The following LNPK variants were observed in gnomAD, a reference collection of about 807,000 sequenced individuals.
LNPK encodes endoplasmic reticulum junction formation protein lunapark.
In LNPK, 29 loss-of-function variants were observed where a neutral mutation model predicts 55.2. The observed-to-expected ratio is 0.53, with a 90% CI of 0.39 to 0.72. LNPK has a LOEUF of 0.72. Among genes scored for constraint, LNPK ranks in the 30% least tolerant of loss-of-function variants. LNPK has a pLI of 0.00. For synonymous variants in LNPK, 162 were observed against 168.2 expected, an observed-to-expected ratio of 0.96 and a Z score of 0.29; for missense variants, 467 against 494.8, an observed-to-expected ratio of 0.94 and a Z score of 0.53.
chr2:175,958,819 C>T (rs1685839665), intron 8 of LNPK, among the ~76,000 whole-genome samples: 1 of 152,056 alleles, frequency 6.6e-6, no homozygotes, highest in East Asian at 1.9e-4. Flanking sequence ...AGCTATAAAC[C>T]TTGAAAAAAG....
intron 10 of LNPK, 76 bp from the exon 11 acceptor site, chr2:175,938,459 A>G: frequency 1.4e-6 from 1 of 694,056 alleles, no homozygotes; most frequent in South Asian, 2.6e-5. Context: ...TTTAGCCATC[A>G]TGGCTAATTT....
intron 1 of LNPK, 72 bp downstream of exon 1, chr2:176,002,088 T>TC: frequency 3.0e-6 from 1 of 332,166 alleles, no homozygotes; most frequent in South Asian, 2.1e-5. Flanking sequence ...GCAGCTTATT[T>TC]CCCAGGGGCA....
chr2:175,976,903 TATA>T (rs1253186025), intron 5 of LNPK, among the ~76,000 whole-genome samples: 1 of 152,198 alleles, frequency 6.6e-6, no homozygotes, highest in Non-Finnish European at 1.5e-5. Context: ...GCCAATTCCT[TATA>T]ATATTTCCTA....
chr2:175,994,610 C>G (rs1359218031), intron 2 of LNPK, among the ~76,000 whole-genome samples: 1 of 152,116 alleles, frequency 6.6e-6, no homozygotes, highest in African/African-American at 2.4e-5. Flanking sequence ...GCAACCTTCA[C>G]CTCCTGGATG....
At position 175,930,045 on chromosome 2, in the gene LNPK, A is replaced by G. The variant is rs771175909; in HGVS notation, c.1209T>C (p.Ile403=). The G allele has an allele frequency of 1.9e-6, 3 of 1,613,992 alleles. No homozygotes were observed. In the African/African-American group the frequency reaches 4.0e-5, roughly 22 times the overall value. Residue 403 remains isoleucine, a synonymous_variant, in exon 13 of 13, where the codon ATT becomes ATC. Coordinates refer to ENST00000272748, the MANE Select transcript of LNPK (RefSeq NM_030650.3). ...CTCCAGGAACTGTGGAGTTGGTTTC[A>G]ATCACTGAGGCTTCCTCATTCTCAG... is the stretch of plus-strand genomic sequence containing the variant. ...QETENEEASV[I]ETNSTVPGAD...
chr2:175,929,866 CAT>C lies in LNPK; in HGVS notation c.*99_*100del. The C allele has an allele frequency of 6.6e-7, 1 of 1,523,822 alleles. No individual in the cohort carries two copies. The highest frequency in any genetic ancestry group is 8.8e-7 in the Non-Finnish European group (1 of 1,136,088). 94.4% of individuals were successfully genotyped at this position (1,523,822 alleles called of 1,614,324 possible). A position where few individuals can be genotyped will look rare whatever the true frequency, so the allele number is the denominator to read the frequency against. On this transcript the variant is annotated 3_prime_UTR_variant, in exon 13 of 13. Coordinates refer to ENST00000272748, the MANE Select transcript of LNPK (RefSeq NM_030650.3). ...AATCTGAATTCAAATGATACACAAG[CAT>C]ACCCTTAGAGGGGCAAAAAAAGTAA...
At chr2:175,939,941 T>C (rs562300457) in intron 9 of LNPK, among the ~76,000 whole-genome samples, 1 of 152,220 alleles carries the variant, frequency 6.6e-6, no homozygotes, top group East Asian at 1.9e-4. Flanking sequence ...CTTAGTTCTG[T>C]ACAAACTGAT....
intron 5 of LNPK, among the ~76,000 whole-genome samples, chr2:175,975,305 G>T (rs1306744501): frequency 6.6e-6 from 1 of 152,014 alleles, no homozygotes; most frequent in Non-Finnish European, 1.5e-5. Context: ...ACCCATTTAA[G>T]CAAGAAAAAT....
At chr2:175,967,667 C>G (rs1198694733) in intron 6 of LNPK, 1 of 984,434 alleles carries the variant, frequency 1.0e-6, no homozygotes, top group East Asian at 1.1e-4. Context: ...TGTCTGGTAT[C>G]CCTGATTTGA....
chr2:175,986,091 TA>T (rs2105701775), intron 4 of LNPK, among the ~76,000 whole-genome samples: 1 of 152,316 alleles, frequency 6.6e-6, no homozygotes, highest in East Asian at 1.9e-4. Context: ...TCAACATTTG[TA>T]AAGCAAAACT....
chr2:175,998,173 G>A (rs1389602995), intron 1 of LNPK, among the ~76,000 whole-genome samples: 1 of 152,138 alleles, frequency 6.6e-6, no homozygotes, highest in Non-Finnish European at 1.5e-5. Context: ...GCCGGGTGCG[G>A]TGGCTCACGC....
At chr2:175,968,913 G>A (rs1438737743) in intron 6 of LNPK, among the ~76,000 whole-genome samples, 1 of 152,028 alleles carries the variant, frequency 6.6e-6, no homozygotes, top group Non-Finnish European at 1.5e-5. Context: ...AGCTACTTGG[G>A]AGGCTGAGGC....
intron 4 of LNPK, among the ~76,000 whole-genome samples, chr2:175,983,416 AG>A (rs1194123285): frequency 1.3e-5 from 2 of 152,188 alleles, no homozygotes; most frequent in Non-Finnish European, 2.9e-5. Context: ...CCTGGAACAC[AG>A]GAAGATATGC....
intron 5 of LNPK, among the ~76,000 whole-genome samples, chr2:175,978,175 CAATAA>C (rs1421411168): frequency 6.6e-6 from 1 of 151,924 alleles, no homozygotes; most frequent in Non-Finnish European, 1.5e-5. Flanking sequence ...AAAATAACAA[CAATAA>C]AAAATACAAA....
Position 175,929,436 on chromosome 2 carries a change from C to T in LNPK, c.*531G>A. On this transcript the variant is annotated 3_prime_UTR_variant, in exon 13 of 13. Transcript: ENST00000272748. ...TTCCACTGCATTCTTATTGAGAATT[C>T]GTACCAGTGCCTATGTGGTAACAAC... 49 of 986,020 alleles carry T rather than the reference C, an allele frequency of 5.0e-5. No individual in the cohort carries two copies. The highest frequency in any genetic ancestry group is 5.5e-5 in the Non-Finnish European group (46 of 830,108). 61.1% of individuals were successfully genotyped at this position (986,020 alleles called of 1,614,324 possible).
chr2:175,929,204 A>T lies in LNPK; in HGVS notation c.*763T>A. 1.0e-6 allele frequency: 1 copy of T among 960,244 alleles called. No homozygotes were observed. The allele number at this position is 960,244 out of a possible 1,614,324, so 59.5% of individuals were successfully genotyped here. ...TATATATCATCATTTTATACTTATA[A>T]ATAATGCTCAGAATTCAAATAGGGT... On this transcript the variant is annotated 3_prime_UTR_variant, in exon 13 of 13. Coordinates refer to ENST00000272748, the MANE Select transcript of LNPK (RefSeq NM_030650.3).
rs1443101323 is a variant in LNPK, at chr2:175,992,383, AT to A, written c.104del (p.Asn35IlefsTer12). 1.1e-5 allele frequency: 16 copies of A among 1,510,332 alleles called. No individual in the cohort carries two copies. The highest frequency in any genetic ancestry group is 2.6e-5 in the East Asian group (1 of 37,884). The allele number at this position is 1,510,332 out of a possible 1,614,324, so 93.6% of individuals were successfully genotyped here. A position where few individuals can be genotyped will look rare whatever the true frequency, so the allele number is the denominator to read the frequency against. On this transcript the variant is annotated frameshift_variant, in exon 4 of 13. Transcript: ENST00000272748. LOFTEE classifies it high-confidence loss of function. ...CAACCCATAATTTTTGTAATCTCTG[AT>A]TTTTTTCCCTAAATTCTTCCAATGC... ...IQALEEFREK[N>X]QRLQKLWVGR...
intron 5 of LNPK, among the ~76,000 whole-genome samples, chr2:175,973,059 T>C (rs12476626): frequency 0.076 from 11,494 of 151,964 alleles, 470 homozygotes; most frequent in South Asian, 0.097. Context: ...TTAAAAAAAA[T>C]TACTTGTCAT....
rs567495411 is a variant in LNPK at position 175,947,781 on chromosome 2, G to A, written c.494-89C>T. 260 of 826,912 alleles carry A rather than the reference G, an allele frequency of 3.1e-4. 2 individuals carry two copies. Among genetic ancestry groups the A allele is most frequent in the South Asian group, 2.4e-3 (93 of 38,598 alleles). The allele number at this position is 826,912 out of a possible 1,614,324, so 51.2% of individuals were successfully genotyped here. A position where few individuals can be genotyped will look rare whatever the true frequency, so the allele number is the denominator to read the frequency against. ...CAATTTATATTTATTAAAATTTTAC[G>A]CCCCAAAAGGCATTGTAGTGTCAAA... On this transcript the variant is annotated intron_variant, in intron 8 of 12. Coordinates refer to ENST00000272748, the MANE Select transcript of LNPK (RefSeq NM_030650.3).
Sources: gnomAD v4.1 joint callset for allele counts (sites outside exome capture counted in the v4.1 genomes callset) on GRCh38, gnomAD v4.1.1 for gene constraint, MANE v1.5 for transcripts, NCBI Gene and HGNC (gene_info 2026-07-23, HGNC 2026-07-21) for gene names.